TMCC1: variants seen among roughly 807,000 people sequenced by gnomAD.
TMCC1 encodes transmembrane and coiled-coil domain family 1.
A neutral mutation model predicts 52.4 loss-of-function variants in TMCC1; 15 were observed. The ratio of observed to expected loss-of-function variants is 0.29; its 90% CI spans 0.19 to 0.44. The LOEUF (loss-of-function observed/expected upper bound fraction) is 0.44, where lower values mean the gene tolerates loss of function less well. TMCC1 is among the 20% of genes least tolerant of loss of function. TMCC1 has a pLI of 1.00. For synonymous variants in TMCC1, 279 were observed against 301.9 expected, an observed-to-expected ratio of 0.92 and a Z score of 0.79; for missense variants, 503 against 806.0, an observed-to-expected ratio of 0.62 and a Z score of 4.55.
At chr3:129,784,323 A>C (rs1026172820) in intron 4 of TMCC1, among the ~76,000 whole-genome samples, 2 of 152,204 alleles carry the variant, frequency 1.3e-5, no homozygotes, top group African/African-American at 4.8e-5. Context: ...TCGCGCCTGT[A>C]ATCCCAGCAC....
intron 2 of TMCC1, among the ~76,000 whole-genome samples, chr3:129,874,544 C>T (rs1186366177): frequency 1.3e-5 from 2 of 151,868 alleles, no homozygotes; most frequent in African/African-American, 4.8e-5. Context: ...CCTATCTCTG[C>T]AAAAAACAAA....
intron 5 of TMCC1, among the ~76,000 whole-genome samples, chr3:129,658,315 A>G (rs541958431): frequency 1.1e-4 from 17 of 152,342 alleles, no homozygotes; most frequent in Middle Eastern, 3.4e-3. Flanking sequence ...AACAGTTCAC[A>G]GGAGCAGGAA....
intron 1 of TMCC1, among the ~76,000 whole-genome samples, chr3:129,890,783 A>G (rs1429931201): frequency 6.6e-6 from 1 of 152,216 alleles, no homozygotes; most frequent in Non-Finnish European, 1.5e-5. Context: ...AAACATGCAG[A>G]CCATACTTTT....
chr3:129,823,604 A>G (rs1417668636), intron 4 of TMCC1, among the ~76,000 whole-genome samples: 1 of 152,154 alleles, frequency 6.6e-6, no homozygotes, highest in African/African-American at 2.4e-5. Flanking sequence ...TCTTGAGAAA[A>G]AATGCTGTAC....
At chr3:129,708,401 A>G (rs2048401088) in intron 4 of TMCC1, among the ~76,000 whole-genome samples, 2 of 152,186 alleles carry the variant, frequency 1.3e-5, no homozygotes, top group Non-Finnish European at 2.9e-5. Context: ...ATTTTTTTGT[A>G]TCTAACTCAG....
intron 4 of TMCC1, among the ~76,000 whole-genome samples, chr3:129,798,524 C>CA (rs796919072): frequency 0.27 from 18,072 of 65,770 alleles, 1,823 homozygotes; most frequent in East Asian, 0.58. Context: ...TCTTCCTATC[C>CA]AAAAAAAAAA....
At chr3:129,851,264 A>G (rs2059905651) in intron 2 of TMCC1, among the ~76,000 whole-genome samples, 1 of 152,248 alleles carries the variant, frequency 6.6e-6, no homozygotes, top group African/African-American at 2.4e-5. Context: ...AGGCCTATGT[A>G]GCACCAGCCT....
At chr3:129,710,638 A>G (rs1260909217) in intron 4 of TMCC1, among the ~76,000 whole-genome samples, 1 of 152,244 alleles carries the variant, frequency 6.6e-6, no homozygotes, top group Non-Finnish European at 1.5e-5. Flanking sequence ...GTGGTCAGTC[A>G]ACAGTAACAA....
At chr3:129,826,929 C>T (rs1453260027) in intron 4 of TMCC1, among the ~76,000 whole-genome samples, 1 of 152,174 alleles carries the variant, frequency 6.6e-6, no homozygotes, top group Non-Finnish European at 1.5e-5. Context: ...TTCAGTGTGG[C>T]TTGCATATCT....
At chr3:129,801,300 A>T (rs1181830716) in intron 4 of TMCC1, among the ~76,000 whole-genome samples, 2 of 151,708 alleles carry the variant, frequency 1.3e-5, no homozygotes, top group Non-Finnish European at 2.9e-5. Context: ...TTTTAAATTC[A>T]ACAATTTACT....
At chr3:129,675,411 C>A (rs2088332330) in intron 4 of TMCC1, among the ~76,000 whole-genome samples, 1 of 152,206 alleles carries the variant, frequency 6.6e-6, no homozygotes, top group Non-Finnish European at 1.5e-5. Context: ...ATTTCATCAA[C>A]TGTACTAATG....
At chr3:129,800,295 T>C (rs182640862) in intron 4 of TMCC1, among the ~76,000 whole-genome samples, 164 of 152,340 alleles carry the variant, frequency 1.1e-3, no homozygotes, top group Admixed American at 2.2e-3. Flanking sequence ...TATAAAATTA[T>C]CAGATTGTTT....
At chr3:129,730,947 C>A (rs1186208219) in intron 4 of TMCC1, among the ~76,000 whole-genome samples, 1 of 152,170 alleles carries the variant, frequency 6.6e-6, no homozygotes, top group African/African-American at 2.4e-5. Context: ...ACATTCATTA[C>A]AAATAAATCA....
chr3:129,774,218 T>A (rs1361835265), intron 4 of TMCC1, among the ~76,000 whole-genome samples: 1 of 152,188 alleles, frequency 6.6e-6, no homozygotes, highest in Non-Finnish European at 1.5e-5. Context: ...CTGGGTCATG[T>A]GGAAAAGACT....
intron 4 of TMCC1, among the ~76,000 whole-genome samples, chr3:129,780,095 T>C (rs1402110546): frequency 1.3e-5 from 2 of 152,170 alleles, no homozygotes; most frequent in South Asian, 2.1e-4. Context: ...CCCATCTTTT[T>C]ACCTTATCAC....
chr3:129,820,360 G>A (rs1369708239), intron 4 of TMCC1, among the ~76,000 whole-genome samples: 2 of 151,574 alleles, frequency 1.3e-5, no homozygotes, highest in Non-Finnish European at 2.9e-5. Flanking sequence ...ATCAAAAAAT[G>A]TTAAATTAAA....
intron 4 of TMCC1, among the ~76,000 whole-genome samples, chr3:129,695,096 CAAAAAAAAAAAA>C (rs11291309): frequency 3.4e-4 from 12 of 35,238 alleles, no homozygotes; most frequent in African/African-American, 1.1e-3. Flanking sequence ...GACTCTGTCT[CAAAAAAAAAAAA>C]AAAAAAAAAA....
chr3:129,770,900 A>G (rs779397666), intron 4 of TMCC1, among the ~76,000 whole-genome samples: 1 of 152,244 alleles, frequency 6.6e-6, no homozygotes, highest in Non-Finnish European at 1.5e-5. Flanking sequence ...CTGGTTCCCT[A>G]AACAGTCATA....
At chr3:129,810,398 T>C (rs1280843654) in intron 4 of TMCC1, among the ~76,000 whole-genome samples, 2 of 152,024 alleles carry the variant, frequency 1.3e-5, no homozygotes, top group African/African-American at 2.4e-5. Context: ...ATATATCACA[T>C]ACTAGTACGC....
Sources: gnomAD v4.1 joint callset for allele counts (sites outside exome capture counted in the v4.1 genomes callset) on GRCh38, gnomAD v4.1.1 for gene constraint, MANE v1.5 for transcripts, NCBI Gene and HGNC (gene_info 2026-07-23, HGNC 2026-07-21) for gene names.